MSR1: variants seen among roughly 807,000 people sequenced by gnomAD.
MSR1 encodes macrophage scavenger receptor types I and II.
In MSR1, 53 loss-of-function variants were observed where a neutral mutation model predicts 47.2. The ratio of observed to expected loss-of-function variants is 1.12; its 90% confidence interval spans 0.90 to 1.41. MSR1 has a LOEUF of 1.41. Among genes scored for constraint, MSR1 ranks in the 40% most tolerant of loss-of-function variants. The pLI, the probability that MSR1 is intolerant of heterozygous loss-of-function variation, is 0.00. For synonymous variants in MSR1, 239 were observed against 185.6 expected (o/e 1.29, Z -2.34); for missense variants, 786 against 546.9 (o/e 1.44, Z -4.36).
At chr8:16,167,964 G>C (rs1411014667) in intron 4 of MSR1, among the ~76,000 whole-genome samples, 1 of 152,080 alleles carries the variant, frequency 6.6e-6, no homozygotes, top group Non-Finnish European at 1.5e-5. Context: ...GTTGGGATGA[G>C]GTTCACCAAC....
chr8:16,150,849 T>C (rs1361090998), intron 6 of MSR1, among the ~76,000 whole-genome samples: 3 of 44,330 alleles, frequency 6.8e-5, no homozygotes, highest in African/African-American at 1.3e-4. Flanking sequence ...AACATAAACA[T>C]AAACACACAC....
chr8:16,155,181 A>G, intron 5 of MSR1, 37 bp from the exon 6 acceptor site: 2 of 1,530,014 alleles, frequency 1.3e-6, no homozygotes, highest in Non-Finnish European at 1.8e-6. Flanking sequence ...ATAGTTGTAA[A>G]GCATAGGAAA....
At chr8:16,158,502 C>A (rs1008188021) in intron 5 of MSR1, among the ~76,000 whole-genome samples, 3 of 151,900 alleles carry the variant, frequency 2.0e-5, no homozygotes, top group Admixed American at 1.3e-4. Context: ...GTTTCCAGAG[C>A]GATGCTTCTC....
chr8:16,163,979 A>G (rs1003359347), intron 5 of MSR1, 86 bp downstream of exon 5: 4 of 1,070,134 alleles, frequency 3.7e-6, no homozygotes, highest in African/African-American at 3.2e-5. Flanking sequence ...ATTTCAAACC[A>G]TAGGATTTCA....
At chr8:16,188,553 C>G (rs382648) in intron 1 of MSR1, among the ~76,000 whole-genome samples, 27,673 of 151,788 alleles carry the variant, frequency 0.18, 3,947 homozygotes, top group African/African-American at 0.39. Flanking sequence ...TGCAGGTTTG[C>G]TACATTGGTA....
intron 7 of MSR1, among the ~76,000 whole-genome samples, chr8:16,144,947 A>C (rs1800658885): frequency 6.6e-6 from 1 of 151,560 alleles, no homozygotes. Context: ...CTTTATTTTG[A>C]ACATGTGTCA....
At chr8:16,143,028 G>C (rs539943369) in intron 8 of MSR1, among the ~76,000 whole-genome samples, 1 of 152,208 alleles carries the variant, frequency 6.6e-6, no homozygotes, top group South Asian at 2.1e-4. Context: ...TGCAACATGA[G>C]GTCGGCAGTA....
chr8:16,184,453 G>T (rs958685672), intron 1 of MSR1, among the ~76,000 whole-genome samples: 1 of 152,134 alleles, frequency 6.6e-6, no homozygotes, highest in African/African-American at 2.4e-5. Context: ...ACCTTAGTTA[G>T]GTTGGTAGTA....
In MSR1 at chr8:16,172,005, A is replaced by G. The variant is rs554993937; in HGVS notation, c.218-3135T>C. Among the ~76,000 whole-genome samples the G allele has an allele frequency of 1.5e-3, 223 of 152,314 alleles. 1 individual carries two copies. Among genetic ancestry groups the G allele is most frequent in the African/African-American group, 5.1e-3 (211 of 41,580 alleles). On this transcript the variant is annotated intron_variant, in intron 3 of 9. Transcript: ENST00000262101. ...AAAGTTTCAGGTTTTTGCTATGATT[A>G]ATATTTGGATTCAAGATGTGTGATT...
intron 4 of MSR1, among the ~76,000 whole-genome samples, chr8:16,167,733 C>T (rs1343452981): frequency 6.6e-6 from 1 of 152,158 alleles, no homozygotes; most frequent in Non-Finnish European, 1.5e-5. Flanking sequence ...TCTTTCCCCT[C>T]AACTTAATCA....
intron 5 of MSR1, among the ~76,000 whole-genome samples, chr8:16,161,133 C>T (rs933277418): frequency 3.4e-5 from 5 of 148,286 alleles, no homozygotes; most frequent in Non-Finnish European, 4.4e-5. Flanking sequence ...GATATGGTTG[C>T]TTGAATTAGA....
intron 9 of MSR1, among the ~76,000 whole-genome samples, chr8:16,115,167 G>A (rs1468766208): frequency 1.3e-5 from 2 of 151,958 alleles, no homozygotes; most frequent in South Asian, 2.1e-4. Flanking sequence ...CAACAAGAGC[G>A]AAACTCCATC....
At chr8:16,183,656 T>C (rs1585198400) in intron 1 of MSR1, among the ~76,000 whole-genome samples, 1 of 142,182 alleles carries the variant, frequency 7.0e-6, no homozygotes, top group Admixed American at 7.5e-5. Context: ...TATATTATCA[T>C]ATTAATATAA....
At chr8:16,162,769 G>A in intron 5 of MSR1, among the ~76,000 whole-genome samples, 1 of 151,886 alleles carries the variant, frequency 6.6e-6, no homozygotes, top group Non-Finnish European at 1.5e-5. Context: ...CTGGTGACAA[G>A]TTTCTTGCAG....
chr8:16,183,627 T>C (rs1198421228), intron 1 of MSR1, among the ~76,000 whole-genome samples: 1 of 131,352 alleles, frequency 7.6e-6, no homozygotes, highest in East Asian at 2.4e-4. Context: ...ATAATATATA[T>C]AATATATAAT....
At chr8:16,174,098 A>G (rs1369525121) in intron 3 of MSR1, among the ~76,000 whole-genome samples, 3 of 152,140 alleles carry the variant, frequency 2.0e-5, no homozygotes, top group Non-Finnish European at 2.9e-5. Flanking sequence ...TTATGTGGAT[A>G]ATGAGAATAA....
At position 16,118,161 on chromosome 8, in the gene MSR1, T is replaced by C. The variant is rs78765574; in HGVS notation, c.1222+2257A>G. 4.3e-4 allele frequency among the ~76,000 whole-genome samples: 66 copies of C among 152,238 alleles called. 1 individual carries two copies. Among genetic ancestry groups the C allele is most frequent in the African/African-American group, 1.6e-3 (65 of 41,562 alleles). ...GAGCTTGTCTGCATTGATTATATTA[T>C]CTAAATAACTGGCAAATTTTATACT... On this transcript the variant is annotated intron_variant, in intron 9 of 9. Coordinates refer to ENST00000262101, the MANE Select transcript of MSR1 (RefSeq NM_138715.3).
chr8:16,146,714 C>T (rs560719097), intron 7 of MSR1, among the ~76,000 whole-genome samples: 167 of 152,216 alleles, frequency 1.1e-3, no homozygotes, highest in African/African-American at 3.9e-3. Context: ...TTCATCTCAG[C>T]CTGTACTTCT....
At chr8:16,125,078 T>TA (rs1800098911) in intron 8 of MSR1, among the ~76,000 whole-genome samples, 1 of 152,086 alleles carries the variant, frequency 6.6e-6, no homozygotes, top group Admixed American at 6.6e-5. Flanking sequence ...CCTCTCCAAA[T>TA]ACGAGCTTTT....
Sources: gnomAD v4.1 joint callset for allele counts (sites outside exome capture counted in the v4.1 genomes callset) on GRCh38, gnomAD v4.1.1 for gene constraint, MANE v1.5 for transcripts, NCBI Gene and HGNC (gene_info 2026-07-23, HGNC 2026-07-21) for gene names.